AP3B1: variants seen among roughly 807,000 people sequenced by gnomAD.
The protein encoded by AP3B1 is adaptor related protein complex 3 subunit beta 1, also known as AP-3 complex subunit beta-1.
A neutral mutation model predicts 132.5 loss-of-function variants in AP3B1; 61 were observed. That is an observed-to-expected ratio of 0.46 (90% CI 0.37 to 0.57). The LOEUF (loss-of-function observed/expected upper bound fraction) is 0.57. Among genes scored for constraint, AP3B1 ranks in the 20% least tolerant of loss-of-function variants. The probability of loss-of-function intolerance (pLI) is 0.00; values close to 1 mark genes in which losing one functional copy is unlikely to be tolerated. For missense variants in AP3B1, 1,120 were observed against 1,289.4 expected, an observed-to-expected ratio of 0.87 and a Z score of 2.01; for synonymous variants, 388 against 438.3, an observed-to-expected ratio of 0.89 and a Z score of 1.43.
chr5:78,150,917 TTTTA>T (rs985201240), intron 14 of AP3B1, among the ~76,000 whole-genome samples: 6 of 152,036 alleles, frequency 3.9e-5, no homozygotes, highest in African/African-American at 7.2e-5. Flanking sequence ...TATTTTTTAT[TTTTA>T]TTTATTTATT....
chr5:78,169,556 G>A (rs906361315), intron 11 of AP3B1, among the ~76,000 whole-genome samples: 1 of 151,972 alleles, frequency 6.6e-6, no homozygotes, highest in Non-Finnish European at 1.5e-5. Flanking sequence ...AGCCTCCCAA[G>A]TAGCTAAGAT....
intron 6 of AP3B1, among the ~76,000 whole-genome samples, chr5:78,224,038 T>TG (rs1746298421): frequency 6.6e-6 from 1 of 152,170 alleles, no homozygotes; most frequent in Non-Finnish European, 1.5e-5. Context: ...ACTTAGCCAA[T>TG]CTCTTGCACT....
chr5:78,085,108 G>A (rs1430778114), intron 22 of AP3B1, among the ~76,000 whole-genome samples: 5 of 152,088 alleles, frequency 3.3e-5, no homozygotes, highest in African/African-American at 7.2e-5. Flanking sequence ...TGGTCAAAAG[G>A]TATACATATT....
At chr5:78,179,163 T>A (rs1029590038) in intron 8 of AP3B1, among the ~76,000 whole-genome samples, 3 of 152,170 alleles carry the variant, frequency 2.0e-5, no homozygotes, top group Admixed American at 2.0e-4. Flanking sequence ...ATCAGTCATT[T>A]AAAAAAATAT....
intron 22 of AP3B1, among the ~76,000 whole-genome samples, chr5:78,069,997 G>A (rs1749466075): frequency 6.6e-6 from 1 of 152,070 alleles, no homozygotes; most frequent in African/African-American, 2.4e-5. Context: ...ACAAGCAATA[G>A]GGAAAGATTC....
chr5:78,272,072 A>T (rs1273154995), intron 1 of AP3B1, among the ~76,000 whole-genome samples: 2 of 152,230 alleles, frequency 1.3e-5, no homozygotes, highest in Non-Finnish European at 2.9e-5. Context: ...GAGACTTCAT[A>T]AGAATCTTGG....
chr5:78,183,557 A>C (rs1388383918), intron 7 of AP3B1, among the ~76,000 whole-genome samples: 1 of 152,198 alleles, frequency 6.6e-6, no homozygotes, highest in Non-Finnish European at 1.5e-5. Context: ...ATACAGAAAT[A>C]GAAGGTTTTA....
intron 22 of AP3B1, among the ~76,000 whole-genome samples, chr5:78,048,786 T>C (rs1421877362): frequency 6.6e-6 from 1 of 152,226 alleles, no homozygotes; most frequent in South Asian, 2.1e-4. Flanking sequence ...TTCCTATTTA[T>C]TTATTTACTA....
chr5:78,169,692 T>A (rs1350874454), intron 11 of AP3B1, among the ~76,000 whole-genome samples: 1 of 152,144 alleles, frequency 6.6e-6, no homozygotes, highest in Non-Finnish European at 1.5e-5. Context: ...CCTCCCAAAG[T>A]GCTAGCAATA....
At chr5:78,037,703 T>G (rs1747864397) in intron 23 of AP3B1, among the ~76,000 whole-genome samples, 1 of 152,226 alleles carries the variant, frequency 6.6e-6, no homozygotes, top group East Asian at 1.9e-4. Context: ...TACAATTACC[T>G]AATTTTACTT....
intron 2 of AP3B1, among the ~76,000 whole-genome samples, chr5:78,250,656 T>C (rs937223381): frequency 8.6e-5 from 13 of 151,892 alleles, no homozygotes; most frequent in Non-Finnish European, 2.9e-5. Flanking sequence ...TCAAAAGAAA[T>C]GGACCCACTG....
At chr5:78,219,153 A>G (rs1238327834) in intron 6 of AP3B1, among the ~76,000 whole-genome samples, 3 of 152,128 alleles carry the variant, frequency 2.0e-5, no homozygotes, top group Admixed American at 2.0e-4. Context: ...GTCATCAAAA[A>G]TATATACATA....
chr5:78,084,258 C>T (rs777696059), intron 22 of AP3B1, among the ~76,000 whole-genome samples: 21 of 152,106 alleles, frequency 1.4e-4, no homozygotes, highest in Non-Finnish European at 2.5e-4. Flanking sequence ...AGTGTGGTGG[C>T]TCACTTGAGC....
intron 22 of AP3B1, among the ~76,000 whole-genome samples, chr5:78,081,084 G>A (rs1749979286): frequency 6.6e-6 from 1 of 152,066 alleles, no homozygotes; most frequent in Admixed American, 6.5e-5. Flanking sequence ...AGTTATTATT[G>A]GCCAGACTTG....
intron 8 of AP3B1, among the ~76,000 whole-genome samples, chr5:78,178,945 G>T (rs538134752): frequency 8.5e-5 from 13 of 152,158 alleles, no homozygotes; most frequent in Middle Eastern, 3.4e-3. Flanking sequence ...AGTATACAGG[G>T]TCCTAAATTT....
At chr5:78,184,168 CA>C (rs569465616) in intron 7 of AP3B1, among the ~76,000 whole-genome samples, 154 of 124,380 alleles carry the variant, frequency 1.2e-3, no homozygotes, top group Admixed American at 1.3e-3. Flanking sequence ...GACTCCATCT[CA>C]AAAAAAAAAA....
chr5:78,043,863 G>T, intron 22 of AP3B1: 1 of 366,772 alleles, frequency 2.7e-6, no homozygotes, highest in South Asian at 2.6e-5. Flanking sequence ...CACAGGCATT[G>T]ACATGACCAA....
intron 17 of AP3B1, among the ~76,000 whole-genome samples, chr5:78,123,008 A>G (rs1479898387): frequency 6.6e-6 from 1 of 152,248 alleles, no homozygotes; most frequent in African/African-American, 2.4e-5. Context: ...GATATAGATC[A>G]ATGGAACAGA....
intron 22 of AP3B1, among the ~76,000 whole-genome samples, chr5:78,053,861 A>G (rs1748695768): frequency 6.6e-6 from 1 of 151,904 alleles, no homozygotes; most frequent in Non-Finnish European, 1.5e-5. Context: ...CTGCTACACA[A>G]AATAATTCTC....
Sources: allele counts gnomAD v4.1 joint callset (sites outside exome capture counted in the v4.1 genomes callset), GRCh38; gene constraint gnomAD v4.1.1; transcripts MANE v1.5; gene names NCBI Gene and HGNC (gene_info 2026-07-23, HGNC 2026-07-21).